The following IGDCC3 variants were observed in gnomAD, a reference collection of about 807,000 sequenced individuals.
The protein encoded by IGDCC3 is immunoglobulin superfamily DCC subclass member 3.
IGDCC3 carries 47 observed loss-of-function variants against 72.0 expected under a neutral mutation model. That is an observed-to-expected ratio of 0.65 (90% CI 0.52 to 0.83). The LOEUF (loss-of-function observed/expected upper bound fraction) is 0.83. Among genes scored for constraint, IGDCC3 ranks in the 40% least tolerant of loss-of-function variants. IGDCC3 has a pLI of 0.00. For synonymous variants in IGDCC3, 477 were observed against 472.8 expected (o/e 1.01, Z -0.11); for missense variants, 1,038 against 1,091.3 (o/e 0.95, Z 0.69).
intron 2 of IGDCC3, among the ~76,000 whole-genome samples, chr15:65,371,604 T>G (rs1387409486): frequency 6.6e-6 from 1 of 152,236 alleles, no homozygotes; most frequent in Non-Finnish European, 1.5e-5. Context: ...GATTCCCAGG[T>G]GATTCACAGG....
At chr15:65,361,888 C>T (rs980638652) in intron 2 of IGDCC3, among the ~76,000 whole-genome samples, 1 of 152,200 alleles carries the variant, frequency 6.6e-6, no homozygotes, top group Non-Finnish European at 1.5e-5. Context: ...GCGGCCGCCG[C>T]ACTCTGCCCA....
Position 65,377,670 on chromosome 15 carries a change from G to A in IGDCC3, c.103+16C>T, listed in dbSNP as rs749471287. ...GCTCCGTCCGCAACCGCCCGGTCCG[G>A]GGCGCTTTCACTCACCCTCGCTCGG... On this transcript the variant is annotated intron_variant, in intron 1 of 13. Transcript: ENST00000327987. This position sits in a 1 kb window ranked among gnomAD's most constrained non-coding sequence, Gnocchi z 4.9. 1.6e-5 allele frequency: 23 copies of A among 1,446,996 alleles called. No homozygotes were observed. The African/African-American group carries it at 3.2e-4, about 20-fold the overall frequency. The allele number at this position is 1,446,996 out of a possible 1,614,324, so 89.6% of individuals were successfully genotyped here.
At chr15:65,332,240 A>AG in intron 6 of IGDCC3, 134 bp from the exon 7 acceptor site, 8 of 1,066,426 alleles carry the variant, frequency 7.5e-6, no homozygotes, top group Non-Finnish European at 1.1e-5. Context: ...TGCCCCCTGG[A>AG]GACTCCTCCA....
intron 2 of IGDCC3, among the ~76,000 whole-genome samples, chr15:65,342,112 C>T (rs950992331): frequency 6.7e-6 from 1 of 150,308 alleles, no homozygotes; most frequent in South Asian, 2.2e-4. Flanking sequence ...TACAGCCAGG[C>T]GCGGTGGCTC....
In IGDCC3 at chr15:65,333,245, GCTGATCCATAC is replaced by G; in HGVS notation, c.982+1_982+11del. On this transcript the variant is annotated splice_donor_variant and splice_donor_5th_base_variant and intron_variant, in intron 6 of 13. Coordinates refer to ENST00000327987, the MANE Select transcript of IGDCC3 (RefSeq NM_004884.4). LOFTEE classifies it high-confidence loss of function. ...ATCCCTGCCCTCCTCCTCAGGGTTG[GCTGATCCATAC>G]CTTGCACCACCAGCCGGCCCTGTGC... is the stretch of plus-strand genomic sequence containing the variant. 6.3e-7 allele frequency: 1 copy of G among 1,592,118 alleles called. No homozygotes were observed. Among genetic ancestry groups the G allele is most frequent in the Non-Finnish European group, 8.6e-7 (1 of 1,169,474 alleles).
At chr15:65,375,039 G>C in intron 2 of IGDCC3, 58 bp downstream of exon 2, 1 of 1,506,660 alleles carries the variant, frequency 6.6e-7, no homozygotes, top group Non-Finnish European at 9.1e-7. Flanking sequence ...CATGCCCTAG[G>C]CTGACCCTGG....
chr15:65,331,760 C>T (rs974816300), intron 7 of IGDCC3, 101 bp from the exon 8 acceptor site: 28 of 1,448,782 alleles, frequency 1.9e-5, no homozygotes, highest in Non-Finnish European at 4.6e-6. Context: ...AGGAGACAAA[C>T]GACTTGTGTG....
At chr15:65,366,303 C>T (rs1595764579) in intron 2 of IGDCC3, among the ~76,000 whole-genome samples, 2 of 151,394 alleles carry the variant, frequency 1.3e-5, no homozygotes, top group Non-Finnish European at 2.9e-5. Flanking sequence ...CTCTTGAGCC[C>T]AGGATTTCAA....
chr15:65,334,946 C>T (rs972737013), intron 4 of IGDCC3, 81 bp from the exon 5 acceptor site: 21 of 1,460,328 alleles, frequency 1.4e-5, no homozygotes, highest in South Asian at 1.2e-4. Flanking sequence ...CAGGACACAG[C>T]GGGTGGGAAA....
intron 2 of IGDCC3, among the ~76,000 whole-genome samples, chr15:65,337,860 C>T (rs1003937162): frequency 2.0e-5 from 3 of 152,192 alleles, no homozygotes; most frequent in African/African-American, 7.2e-5. Flanking sequence ...TTCCCAGTCC[C>T]CCAGGGACCT....
chr15:65,345,602 AGACACGCAC>A (rs2091118688), intron 2 of IGDCC3, among the ~76,000 whole-genome samples: 1 of 132,570 alleles, frequency 7.5e-6, no homozygotes, highest in Non-Finnish European at 1.6e-5. Flanking sequence ...ATGCACACAC[AGACACGCAC>A]AAAAATAAAT....
chr15:65,367,212 GGT>G (rs2091292412), intron 2 of IGDCC3, among the ~76,000 whole-genome samples: 1 of 151,996 alleles, frequency 6.6e-6, no homozygotes, highest in African/African-American at 2.4e-5. Flanking sequence ...CAGGTGTGGT[GGT>G]GCATGCCTGT....
At chr15:65,376,999 G>A (rs1329065411) in intron 1 of IGDCC3, among the ~76,000 whole-genome samples, 1 of 152,140 alleles carries the variant, frequency 6.6e-6, no homozygotes, top group African/African-American at 2.4e-5. Context: ...CCAGGGCAAG[G>A]TCTCCGCGTG....
intron 2 of IGDCC3, among the ~76,000 whole-genome samples, chr15:65,374,822 G>A (rs1015384480): frequency 1.3e-5 from 2 of 152,198 alleles, no homozygotes; most frequent in African/African-American, 2.4e-5. Flanking sequence ...ACTAAGACAT[G>A]CTGACCCAAG....
chr15:65,361,428 G>A (rs1299985532), intron 2 of IGDCC3, among the ~76,000 whole-genome samples: 1 of 150,682 alleles, frequency 6.6e-6, no homozygotes, highest in Non-Finnish European at 1.5e-5. Flanking sequence ...GATCAACCAG[G>A]ATGACAGAGC....
Position 65,329,175 on chromosome 15 carries a change from G to A in IGDCC3, c.2206-27C>T, listed in dbSNP as rs368143501. 8.8e-6 allele frequency: 14 copies of A among 1,586,550 alleles called. No homozygotes were observed. Among genetic ancestry groups the A allele is most frequent in the Admixed American group, 1.8e-5 (1 of 55,440 alleles). On this transcript the variant is annotated intron_variant, in intron 13 of 13. Transcript: ENST00000327987. The surrounding 1 kb of genome is among the most constrained non-coding windows in gnomAD (Gnocchi z 4.1). ...TGGGGAAAGAGCCCGTCACACAGGC[G>A]TCAGCTTGAGGGCCAGGGCGCCAGG... is the stretch of plus-strand genomic sequence containing the variant.
At chr15:65,331,336 G>C in intron 8 of IGDCC3, 76 bp downstream of exon 8, 1 of 1,565,992 alleles carries the variant, frequency 6.4e-7, no homozygotes, top group Non-Finnish European at 8.7e-7. Context: ...GGAGGCATCG[G>C]GTCACGACGT....
intron 4 of IGDCC3, 32 bp from the exon 5 acceptor site, chr15:65,334,897 A>G: frequency 6.3e-7 from 1 of 1,593,176 alleles, no homozygotes; most frequent in South Asian, 1.1e-5. Flanking sequence ...TCCTCACTTC[A>G]GCTGGGGACT....
rs2036280111 is a variant in IGDCC3 at position 65,339,484 on chromosome 15, C to T, written c.410-3528G>A. On this transcript the variant is annotated intron_variant, in intron 2 of 13. Transcript: ENST00000327987. The surrounding 1 kb of genome is among the most constrained non-coding windows in gnomAD (Gnocchi z 4.1). ...AGGAAAAGGGATGTTGAGGCCATTT[C>T]GGCCCCCTCTAGTTTCTCAGGGTGG... is the stretch of plus-strand genomic sequence containing the variant. 1.3e-5 allele frequency among the ~76,000 whole-genome samples: 2 copies of T among 152,334 alleles called. No individual in the cohort carries two copies. Among genetic ancestry groups the T allele is most frequent in the South Asian group, 2.1e-4 (1 of 4,828 alleles).
Sources: allele counts gnomAD v4.1 joint callset (sites outside exome capture counted in the v4.1 genomes callset), GRCh38; gene constraint gnomAD v4.1.1; non-coding constraint Gnocchi (gnomAD v3.1); transcripts MANE v1.5; gene names NCBI Gene and HGNC (gene_info 2026-07-23, HGNC 2026-07-21).